Variants in LDAF1 observed in about 807,000 individuals in gnomAD.
LDAF1 encodes the protein PROMETHIN.
A neutral mutation model predicts 13.5 loss-of-function variants in LDAF1; 7 were observed. The ratio of observed to expected loss-of-function variants is 0.52; its 90% CI spans 0.29 to 0.97. The LOEUF (loss-of-function observed/expected upper bound fraction) is 0.97, where lower values mean the gene tolerates loss of function less well. Ranked by LOEUF, LDAF1 falls within the 50% of genes least tolerant of loss-of-function variation. The pLI is 0.07. For synonymous variants in LDAF1, 69 were observed against 77.1 expected, an observed-to-expected ratio of 0.89 and a Z score of 0.55; for missense variants, 148 against 193.2, an observed-to-expected ratio of 0.77 and a Z score of 1.39.
chr16:21,168,191 G>A (rs2093044880), intron 2 of LDAF1, among the ~76,000 whole-genome samples: 1 of 151,552 alleles, frequency 6.6e-6, no homozygotes, highest in South Asian at 2.1e-4. Context: ...ATTTTTGTAT[G>A]TTTAAAAGAG....
chr16:21,162,082 G>C (rs1408697910), intron 2 of LDAF1, among the ~76,000 whole-genome samples: 3 of 152,110 alleles, frequency 2.0e-5, no homozygotes, highest in Non-Finnish European at 1.5e-5. Flanking sequence ...CTTGAACCCA[G>C]GAGGCGGAGG....
At chr16:21,159,553 G>A in intron 1 of LDAF1, 1 of 1,048,346 alleles carries the variant, frequency 9.5e-7, no homozygotes, top group Non-Finnish European at 1.4e-6. Flanking sequence ...GCCTTGGAAG[G>A]GGAAAGGGTT....
At chr16:21,168,035 A>G (rs924731862) in intron 2 of LDAF1, among the ~76,000 whole-genome samples, 1 of 149,854 alleles carries the variant, frequency 6.7e-6, no homozygotes, top group Non-Finnish European at 1.5e-5. Flanking sequence ...AAAGAAAAGA[A>G]AAGGAGACTT....
chr16:21,174,200 GT>G (rs746438166), intron 4 of LDAF1, 52 bp downstream of exon 4: 116 of 1,527,206 alleles, frequency 7.6e-5, no homozygotes, highest in Non-Finnish European at 9.9e-5. Flanking sequence ...CTACTTTTTT[GT>G]TTTTTTGAGA....
At chr16:21,160,524 G>T (rs141804616) in intron 1 of LDAF1, among the ~76,000 whole-genome samples, 2 of 152,244 alleles carry the variant, frequency 1.3e-5, no homozygotes, top group African/African-American at 4.8e-5. Flanking sequence ...TAATAAAGAA[G>T]AGAAACAGGT....
At chr16:21,159,353 T>C (rs142562503) in intron 1 of LDAF1, 1 of 1,614,006 alleles carries the variant, frequency 6.2e-7, no homozygotes, top group African/African-American at 1.3e-5. Flanking sequence ...CTCCTCTCCT[T>C]GGGTCTCCCT....
chr16:21,171,873 G>A (rs1207961232), intron 3 of LDAF1, among the ~76,000 whole-genome samples: 1 of 151,880 alleles, frequency 6.6e-6, no homozygotes, highest in African/African-American at 2.4e-5. Flanking sequence ...AAGTAGTTGG[G>A]ATTACAGGCA....
chr16:21,176,826 G>A (rs2093142460), intron 4 of LDAF1, among the ~76,000 whole-genome samples: 1 of 151,652 alleles, frequency 6.6e-6, no homozygotes, highest in Non-Finnish European at 1.5e-5. Flanking sequence ...CCTGAGCCTG[G>A]GAGGTTGGGG....
intron 4 of LDAF1, among the ~76,000 whole-genome samples, chr16:21,176,022 G>A (rs2093135609): frequency 1.3e-5 from 2 of 152,128 alleles, no homozygotes; most frequent in Non-Finnish European, 2.9e-5. Flanking sequence ...TGGAATTATA[G>A]GCGTAAGGCA....
intron 2 of LDAF1, among the ~76,000 whole-genome samples, chr16:21,164,929 A>G (rs528567075): frequency 2.6e-5 from 4 of 152,348 alleles, no homozygotes; most frequent in African/African-American, 9.6e-5. Context: ...GTAGGAAGAA[A>G]TAAATGAGGA....
intron 3 of LDAF1, chr16:21,173,368 A>G (rs928787920): frequency 6.6e-6 from 1 of 152,418 alleles, no homozygotes; most frequent in African/African-American, 2.4e-5. Context: ...TTGGAAGTCC[A>G]TCTCTGACCT....
intron 4 of LDAF1, among the ~76,000 whole-genome samples, chr16:21,177,892 A>G (rs1320837323): frequency 1.3e-5 from 2 of 152,124 alleles, no homozygotes; most frequent in African/African-American, 4.8e-5. Context: ...TGCTGGGATT[A>G]TAGGTGTAAG....
chr16:21,159,294 G>A (rs1199740263), intron 1 of LDAF1: 1 of 1,576,644 alleles, frequency 6.3e-7, no homozygotes. Context: ...TTCAGTCTCT[G>A]TGCCTTCTGG....
In LDAF1 at chr16:21,179,002, G is replaced by A. The variant is rs535230810; in HGVS notation, c.405-473G>A. The A allele has an allele frequency of 4.9e-5, 8 of 163,076 alleles. No homozygotes were observed. The South Asian group carries it at 9.4e-4, about 19-fold the overall frequency. The allele number at this position is 163,076 out of a possible 1,614,324, so 10.1% of individuals were successfully genotyped here. A position where few individuals can be genotyped will look rare whatever the true frequency, so the allele number is the denominator to read the frequency against. On this transcript the variant is annotated intron_variant, in intron 4 of 4. Transcript: ENST00000233047. ...AGGTCTTTATTAGCAACATAAGAACGGACTAATACAATCCTCCCCCGAACT... is the reference window on the plus strand; with the variant it reads ...AGGTCTTTATTAGCAACATAAGAACAGACTAATACAATCCTCCCCCGAACT...
In LDAF1 at chr16:21,179,466, A is replaced by G; in HGVS notation, c.405-9A>G. ...CTAGAGCTAACGATCTCTTCTTGTT[A>G]TCCGACAGGCCACTGACACAGCAAA... is the stretch of plus-strand genomic sequence containing the variant. On this transcript the variant is annotated splice_polypyrimidine_tract_variant and intron_variant, in intron 4 of 4. Coordinates refer to ENST00000233047, the MANE Select transcript of LDAF1 (RefSeq NM_001301771.2). 6.2e-7 allele frequency: 1 copy of G among 1,614,134 alleles called. No homozygotes were observed. Among genetic ancestry groups the G allele is most frequent in the South Asian group, 1.1e-5 (1 of 91,082 alleles).
intron 3 of LDAF1, chr16:21,172,861 T>C (rs2152848281): frequency 1.0e-6 from 1 of 985,264 alleles, no homozygotes; most frequent in East Asian, 1.1e-4. Flanking sequence ...TCCAGCCTTT[T>C]CAGGGTCCCT....
chr16:21,179,407 A>G (rs989895987), intron 4 of LDAF1, 68 bp from the exon 5 acceptor site: 3 of 1,612,536 alleles, frequency 1.9e-6, no homozygotes, highest in East Asian at 2.2e-5. Context: ...GTATTCAGCT[A>G]TGCACACTTC....
chr16:21,167,387 G>A (rs1171733186), intron 2 of LDAF1, among the ~76,000 whole-genome samples: 1 of 152,218 alleles, frequency 6.6e-6, no homozygotes, highest in Non-Finnish European at 1.5e-5. Context: ...CCTTTCAAGT[G>A]AACAGGATCT....
intron 2 of LDAF1, among the ~76,000 whole-genome samples, chr16:21,164,439 G>A (rs2152843146): frequency 6.6e-6 from 1 of 152,170 alleles, no homozygotes; most frequent in South Asian, 2.1e-4. Context: ...TGGAGAGACA[G>A]CATCTTTCAC....
Sources: gnomAD v4.1 joint callset for allele counts (sites outside exome capture counted in the v4.1 genomes callset) on GRCh38, gnomAD v4.1.1 for gene constraint, MANE v1.5 for transcripts, NCBI Gene and HGNC (gene_info 2026-07-23, HGNC 2026-07-21) for gene names.